The following SHANK2 variants were observed in gnomAD, a reference collection of about 807,000 sequenced individuals.
SHANK2 encodes SH3 and multiple ankyrin repeat domains 2.
In SHANK2, 43 loss-of-function variants were observed where a neutral mutation model predicts 133.7. The ratio of observed to expected loss-of-function variants is 0.32; its 90% CI spans 0.25 to 0.41. SHANK2 has a LOEUF of 0.41. Among genes scored for constraint, SHANK2 ranks in the 10% least tolerant of loss-of-function variants. The probability of loss-of-function intolerance (pLI) is 1.00; values close to 1 mark genes in which losing one functional copy is unlikely to be tolerated. For missense variants in SHANK2, 1,994 were observed against 2,235.8 expected (o/e 0.89, Z 2.18); for synonymous variants, 1,017 against 952.8 (o/e 1.07, Z -1.24).
chr11:70,801,500 A>G (rs1948046985), intron 13 of SHANK2, among the ~76,000 whole-genome samples: 1 of 152,180 alleles, frequency 6.6e-6, no homozygotes, highest in Admixed American at 6.5e-5. Context: ...CCCTGACAGA[A>G]CATCTGCGTC....
rs61483311 is a variant in SHANK2 at position 70,848,878 on chromosome 11, C to G, written c.1175-28196G>C. On this transcript the variant is annotated intron_variant, in intron 11 of 25. Transcript: ENST00000601538. ...GCCTGATGCCAGCTTGTTTCAGGAC[C>G]ACCAGGAATGTCAACAAGTGCATGA... is the stretch of plus-strand genomic sequence containing the variant. Among the ~76,000 whole-genome samples, 1,075 of 152,270 alleles carry G rather than the reference C, an allele frequency of 7.1e-3. 14 individuals carry two copies. Among genetic ancestry groups the G allele is most frequent in the African/African-American group, 0.025 (1,027 of 41,536 alleles).
chr11:70,774,987 T>C (rs1456043300), intron 14 of SHANK2, among the ~76,000 whole-genome samples: 3 of 152,022 alleles, frequency 2.0e-5, no homozygotes, highest in African/African-American at 7.2e-5. Context: ...AGTGAGACTG[T>C]CTCTAAAAAA....
At chr11:70,848,635 G>A (rs536563476) in intron 11 of SHANK2, among the ~76,000 whole-genome samples, 7 of 152,196 alleles carry the variant, frequency 4.6e-5, no homozygotes, top group East Asian at 1.9e-4. Context: ...CTTCCAATGC[G>A]ATTTGACCAC....
chr11:71,250,761 AGGCTGAATCTGCCAGGTCCTT>A (rs1371399163), intron 1 of SHANK2, among the ~76,000 whole-genome samples: 30 of 152,268 alleles, frequency 2.0e-4, no homozygotes, highest in African/African-American at 7.2e-4. Context: ...ACCGGGGTTA[AGGCTGAATCTGCCAGGTCCTT>A]TTCCAGGGGC....
rs782538497 is a variant in SHANK2, at chr11:70,473,450, A to G, written c.4980-11T>C. The G allele has an allele frequency of 1.7e-5, 28 of 1,600,688 alleles. No homozygotes were observed. The Admixed American group carries it at 4.7e-4, about 27-fold the overall frequency. On this transcript the variant is annotated splice_polypyrimidine_tract_variant and intron_variant, in intron 25 of 25. Coordinates refer to ENST00000601538, the MANE Select transcript of SHANK2 (RefSeq NM_012309.5). This position sits in a 1 kb window ranked among gnomAD's most constrained non-coding sequence, Gnocchi z 5.9. The stretch of plus-strand genomic sequence containing the variant: ...ATGATCTCCGGGCTTCTGAAACAGC[A>G]ACACAGAGAAAACCATCACAAGGCA...
intron 2 of SHANK2, among the ~76,000 whole-genome samples, chr11:71,207,497 C>T (rs888891774): frequency 6.6e-6 from 1 of 152,158 alleles, no homozygotes; most frequent in Admixed American, 6.5e-5. Flanking sequence ...AATTTTATTT[C>T]TAACAGTCTC....
intron 3 of SHANK2, among the ~76,000 whole-genome samples, chr11:71,145,215 T>C (rs56368604): frequency 0.044 from 6,659 of 152,250 alleles, 269 homozygotes; most frequent in African/African-American, 0.11. Flanking sequence ...GTGTCTAATC[T>C]TTTGGCTTCT....
intron 17 of SHANK2, among the ~76,000 whole-genome samples, chr11:70,608,005 C>T (rs2060602472): frequency 6.6e-6 from 1 of 152,216 alleles, no homozygotes; most frequent in Non-Finnish European, 1.5e-5. Flanking sequence ...AGTGGCTTGC[C>T]CAGAGTCACA....
chr11:70,524,240 G>T (rs1210562811), intron 17 of SHANK2, among the ~76,000 whole-genome samples: 1 of 152,238 alleles, frequency 6.6e-6, no homozygotes, highest in Non-Finnish European at 1.5e-5. Flanking sequence ...CTGGGGGGCA[G>T]TGCAGCTGTG....
At chr11:70,863,018 A>T (rs1555068126) in intron 11 of SHANK2, among the ~76,000 whole-genome samples, 1 of 152,186 alleles carries the variant, frequency 6.6e-6, no homozygotes, top group East Asian at 1.9e-4. Flanking sequence ...GCTGGTGGGC[A>T]GGGCAGAGGC....
chr11:70,932,032 A>G lies in SHANK2; in HGVS notation c.1108-35465T>C, dbSNP rs1555082576. On this transcript the variant is annotated intron_variant, in intron 10 of 25. Transcript: ENST00000601538. ...TCCATAAGCCCACTCTAAACTTCTT[A>G]GAATTACCATAATCTCTATGATACG... Among the ~76,000 whole-genome samples, 15 of 152,250 alleles carry G rather than the reference A, an allele frequency of 9.9e-5. 1 individual carries two copies. The highest frequency in any genetic ancestry group is 1.5e-5 in the Non-Finnish European group (1 of 68,038).
intron 15 of SHANK2, among the ~76,000 whole-genome samples, chr11:70,663,457 G>A (rs782371638): frequency 1.3e-5 from 2 of 152,136 alleles, no homozygotes; most frequent in African/African-American, 2.4e-5. Context: ...AGAGATCGGA[G>A]GACCCAGCTA....
chr11:71,166,613 C>T (rs1555110910), intron 2 of SHANK2, among the ~76,000 whole-genome samples: 1 of 151,794 alleles, frequency 6.6e-6, no homozygotes, highest in South Asian at 2.1e-4. Context: ...TCCCGAGTAG[C>T]TGGGATTACA....
At chr11:70,556,714 C>G (rs2059836945) in intron 17 of SHANK2, among the ~76,000 whole-genome samples, 1 of 151,818 alleles carries the variant, frequency 6.6e-6, no homozygotes, top group Non-Finnish European at 1.5e-5. Flanking sequence ...GCCTCAGCCT[C>G]CTGAGTATCT....
At chr11:71,128,080 G>A (rs547784396) in intron 3 of SHANK2, among the ~76,000 whole-genome samples, 2 of 152,348 alleles carry the variant, frequency 1.3e-5, no homozygotes, top group South Asian at 4.1e-4. Context: ...GGGAACACAA[G>A]GAGCTGCTCC....
chr11:71,085,657 T>TAATATATTATGTTA (rs1565441558), intron 8 of SHANK2, among the ~76,000 whole-genome samples: 5 of 14,682 alleles, frequency 3.4e-4, no homozygotes, highest in Non-Finnish European at 1.2e-3. Flanking sequence ...ATGTTATATA[T>TAATATATTATGTTA]TATATTATAT....
In SHANK2 at chr11:71,221,390, G is replaced by A. The variant is rs571967586; in HGVS notation, c.-13+3307C>T. 4.6e-5 allele frequency among the ~76,000 whole-genome samples: 7 copies of A among 152,216 alleles called. No individual in the cohort carries two copies. In the East Asian group the frequency reaches 1.4e-3, roughly 29 times the overall value. On this transcript the variant is annotated intron_variant, in intron 2 of 25. Coordinates refer to ENST00000601538, the MANE Select transcript of SHANK2 (RefSeq NM_012309.5). ...GGTGCCCAGCAGGAGACGGTGGCCG[G>A]AGCGCAGGTGCAGAGGACAGGGTCC...
intron 11 of SHANK2, among the ~76,000 whole-genome samples, chr11:70,862,584 T>G (rs116546910): frequency 2.0e-3 from 305 of 151,616 alleles, no homozygotes; most frequent in African/African-American, 6.9e-3. Context: ...CTGGACGGGC[T>G]GATGGACTGG....
At chr11:70,547,589 TCACCCCA>T (rs1179897977) in intron 17 of SHANK2, among the ~76,000 whole-genome samples, 3 of 152,106 alleles carry the variant, frequency 2.0e-5, no homozygotes, top group African/African-American at 7.3e-5. Context: ...TCAGCTCTAG[TCACCCCA>T]CAGCCCAGCA....
Sources: gnomAD v4.1 joint callset for allele counts (sites outside exome capture counted in the v4.1 genomes callset) on GRCh38, gnomAD v4.1.1 for gene constraint, Gnocchi (gnomAD v3.1) non-coding constraint, MANE v1.5 for transcripts, NCBI Gene and HGNC (gene_info 2026-07-23, HGNC 2026-07-21) for gene names.